Variants in HIVEP3 observed in about 807,000 individuals in gnomAD.
The protein encoded by HIVEP3 is HIVEP zinc finger 3.
HIVEP3 carries 49 observed loss-of-function variants against 152.8 expected under a neutral mutation model. The ratio of observed to expected loss-of-function variants is 0.32; its 90% CI spans 0.26 to 0.41. The LOEUF is 0.41. Among genes scored for constraint, HIVEP3 ranks in the 10% least tolerant of loss-of-function variants. The pLI, the probability that HIVEP3 is intolerant of heterozygous loss-of-function variation, is 1.00. For missense variants in HIVEP3, 2,790 were observed against 3,103.3 expected, an observed-to-expected ratio of 0.90 and a Z score of 2.40; for synonymous variants, 1,269 against 1,289.0, an observed-to-expected ratio of 0.98 and a Z score of 0.33.
chr1:41,522,748 A>C (rs1190327849), intron 6 of HIVEP3, among the ~76,000 whole-genome samples: 1 of 152,206 alleles, frequency 6.6e-6, no homozygotes, highest in Non-Finnish European at 1.5e-5. Context: ...GGCAAAGGGA[A>C]TTGAGTGGGC....
chr1:41,910,227 G>A (rs1436812833), intron 1 of HIVEP3, among the ~76,000 whole-genome samples: 2 of 151,810 alleles, frequency 1.3e-5, no homozygotes, highest in Non-Finnish European at 2.9e-5. Context: ...CAAATGAAAA[G>A]TGGACATAAC....
intron 5 of HIVEP3, among the ~76,000 whole-genome samples, chr1:41,573,252 G>A (rs1302581251): frequency 1.3e-5 from 2 of 152,208 alleles, no homozygotes; most frequent in African/African-American, 4.8e-5. Flanking sequence ...CAATTTGGGG[G>A]AACAAGAGGT....
chr1:41,526,519 GC>G (rs768698453), intron 5 of HIVEP3, among the ~76,000 whole-genome samples: 14 of 60,250 alleles, frequency 2.3e-4, no homozygotes, highest in Non-Finnish European at 4.2e-4. Flanking sequence ...CGTCACACTT[GC>G]CCTCACACAT....
chr1:41,571,538 G>C (rs896954262), intron 5 of HIVEP3, among the ~76,000 whole-genome samples: 5 of 152,230 alleles, frequency 3.3e-5, no homozygotes, highest in African/African-American at 9.6e-5. Context: ...GCAATAAACA[G>C]AGACTGATGC....
intron 1 of HIVEP3, among the ~76,000 whole-genome samples, chr1:41,786,052 G>A (rs1649330458): frequency 6.6e-6 from 1 of 152,178 alleles, no homozygotes; most frequent in African/African-American, 2.4e-5. Context: ...GGGAGATGTA[G>A]TGAGGGAAAA....
chr1:41,888,069 T>G (rs1442337893), intron 1 of HIVEP3, among the ~76,000 whole-genome samples: 1 of 148,184 alleles, frequency 6.7e-6, no homozygotes, highest in East Asian at 2.0e-4. Flanking sequence ...AGACTGAGTC[T>G]CTGTCGCCCA....
At chr1:41,660,906 C>T (rs61394659) in intron 2 of HIVEP3, among the ~76,000 whole-genome samples, 6,393 of 152,242 alleles carry the variant, frequency 0.042, 458 homozygotes, top group African/African-American at 0.14. Context: ...CCACTGAACA[C>T]ACTGGGAAAA....
chr1:41,529,424 CACCCTCACACAT>C (rs1643161362), intron 5 of HIVEP3, among the ~76,000 whole-genome samples: 1 of 143,916 alleles, frequency 6.9e-6, no homozygotes, highest in Non-Finnish European at 1.5e-5. Flanking sequence ...CCCTCACACA[CACCCTCACACAT>C]GCTCACACCC....
intron 1 of HIVEP3, among the ~76,000 whole-genome samples, chr1:41,836,616 C>T (rs1469353219): frequency 6.6e-6 from 1 of 152,238 alleles, no homozygotes; most frequent in Non-Finnish European, 1.5e-5. Flanking sequence ...TCCCACACTA[C>T]TCCAAACTTA....
intron 2 of HIVEP3, among the ~76,000 whole-genome samples, chr1:41,667,447 C>A (rs1645812884): frequency 6.6e-6 from 1 of 152,248 alleles, no homozygotes; most frequent in Non-Finnish European, 1.5e-5. Context: ...CCACAGGGCT[C>A]AGCAGGCCCC....
Position 41,584,698 on chromosome 1 carries a change from T to C in HIVEP3, c.100A>G (p.Ser34Gly). 1 of 1,563,024 alleles carries C rather than the reference T, an allele frequency of 6.4e-7. No homozygotes were observed. Among genetic ancestry groups the C allele is most frequent in the Non-Finnish European group, 8.6e-7 (1 of 1,157,054 alleles). ...GEAIQTSVSS[S>G]VPYPGSGTAA... ...GTGCCGCTGCCTGGGTATGGGACGC[T>C]GGAAGAAACACTGGTCTGAATGGCC... The change falls in exon 4 of 9, where the codon AGC becomes GGC. Residue 34 changes from serine (S) to glycine (G), a missense_variant. Around this residue, in one of 9 missense-constraint regions of HIVEP3, gnomAD observed 209 missense variants for 237.0 expected, o/e 0.88. Transcript: ENST00000372583. The surrounding 1 kb of genome is among the most constrained non-coding windows in gnomAD (Gnocchi z 5.2).
chr1:41,974,840 C>T (rs1372610045), intron 1 of HIVEP3, among the ~76,000 whole-genome samples: 2 of 150,400 alleles, frequency 1.3e-5, no homozygotes, highest in African/African-American at 4.9e-5. Flanking sequence ...TCTAGTACAG[C>T]GGTTGGCTCC....
At chr1:41,900,330 C>G (rs1052929330) in intron 1 of HIVEP3, among the ~76,000 whole-genome samples, 2 of 152,182 alleles carry the variant, frequency 1.3e-5, no homozygotes, top group Non-Finnish European at 2.9e-5. Context: ...CAGTAAATGA[C>G]AGTTATTGCT....
At chr1:41,740,156 G>A (rs926586881) in intron 1 of HIVEP3, among the ~76,000 whole-genome samples, 25 of 152,226 alleles carry the variant, frequency 1.6e-4, no homozygotes, top group Middle Eastern at 6.3e-3. Context: ...GCCAGTGGAC[G>A]GGATGAAGAT....
chr1:41,743,117 G>A (rs1647021281), intron 1 of HIVEP3, among the ~76,000 whole-genome samples: 1 of 138,872 alleles, frequency 7.2e-6, no homozygotes, highest in African/African-American at 3.1e-5. Context: ...CTGCGGTGGG[G>A]TATGGGGTAT....
chr1:42,015,758 G>A (rs1557562880), intron 1 of HIVEP3, among the ~76,000 whole-genome samples: 1 of 152,212 alleles, frequency 6.6e-6, no homozygotes, highest in Non-Finnish European at 1.5e-5. Flanking sequence ...CAATGAGTAG[G>A]GAACACCCTA....
chr1:41,851,183 G>A (rs1014580582), intron 1 of HIVEP3, among the ~76,000 whole-genome samples: 3 of 151,106 alleles, frequency 2.0e-5, no homozygotes, highest in South Asian at 2.1e-4. Context: ...CACTATAACC[G>A]CAGCACCTAG....
Position 41,570,714 on chromosome 1 carries a change from G to T in HIVEP3, c.5207+4830C>A, listed in dbSNP as rs905333910. On this transcript the variant is annotated intron_variant, in intron 5 of 8. Transcript: ENST00000372583. Reference sequence around the variant, plus strand: ...AGGATTGACTGTGTCAAATGCTGCCGATGGCTCAGGAAAGAATAGAAGTGA... The same window carrying T: ...AGGATTGACTGTGTCAAATGCTGCCTATGGCTCAGGAAAGAATAGAAGTGA... Among the ~76,000 whole-genome samples the T allele has an allele frequency of 2.6e-5, 4 of 152,292 alleles. No individual in the cohort carries two copies. In the East Asian group the frequency reaches 5.8e-4, roughly 22 times the overall value.
At chr1:41,841,627 C>T (rs907399431) in intron 1 of HIVEP3, among the ~76,000 whole-genome samples, 8 of 152,202 alleles carry the variant, frequency 5.3e-5, no homozygotes, top group Admixed American at 3.3e-4. Flanking sequence ...ATGCCCAAAA[C>T]CGCTGACTTC....
Sources: gnomAD v4.1 joint callset for allele counts (sites outside exome capture counted in the v4.1 genomes callset) on GRCh38, gnomAD v4.1.1 for gene constraint, gnomAD v4.1.1 regional missense constraint, Gnocchi (gnomAD v3.1) non-coding constraint, MANE v1.5 for transcripts, NCBI Gene and HGNC (gene_info 2026-07-23, HGNC 2026-07-21) for gene names.